ARHGAP10: variants seen among roughly 807,000 people sequenced by gnomAD.
ARHGAP10 encodes the protein rho GTPase-activating protein 10.
In ARHGAP10, 87 loss-of-function variants were observed where a neutral mutation model predicts 108.6. The observed-to-expected ratio is 0.80, with a 90% CI of 0.67 to 0.96. The LOEUF is 0.96. Ranked by LOEUF, ARHGAP10 falls within the 40% of genes least tolerant of loss-of-function variation. The pLI is 0.00. For missense variants in ARHGAP10, 939 were observed against 954.5 expected, an observed-to-expected ratio of 0.98 and a Z score of 0.21; for synonymous variants, 347 against 341.1, an observed-to-expected ratio of 1.02 and a Z score of -0.19.
At chr4:147,987,982 C>G (rs888924317) in intron 18 of ARHGAP10, among the ~76,000 whole-genome samples, 1 of 152,360 alleles carries the variant, frequency 6.6e-6, no homozygotes, top group South Asian at 2.1e-4. Context: ...CAAATCATCT[C>G]TCCAGCAGTG....
intron 1 of ARHGAP10, among the ~76,000 whole-genome samples, chr4:147,779,464 A>T (rs1730438839): frequency 6.6e-6 from 1 of 151,906 alleles, no homozygotes; most frequent in Admixed American, 6.5e-5. Context: ...TAGATGGGGA[A>T]GGGTCCTGAG....
intron 16 of ARHGAP10, among the ~76,000 whole-genome samples, chr4:147,960,121 G>A (rs1418925254): frequency 6.6e-6 from 1 of 152,068 alleles, no homozygotes; most frequent in Non-Finnish European, 1.5e-5. Context: ...TTTCTCTAGT[G>A]TTGATTAGTA....
intron 1 of ARHGAP10, among the ~76,000 whole-genome samples, chr4:147,740,805 A>G (rs1317153472): frequency 3.9e-5 from 6 of 152,198 alleles, no homozygotes; most frequent in African/African-American, 1.4e-4. Context: ...AGAAATATAA[A>G]AAGATAGTCT....
At chr4:147,868,015 G>C (rs550977087) in intron 7 of ARHGAP10, among the ~76,000 whole-genome samples, 68 of 151,586 alleles carry the variant, frequency 4.5e-4, no homozygotes, top group Non-Finnish European at 7.8e-4. Flanking sequence ...ACTTGTATTT[G>C]AGGATTGTTT....
At chr4:147,999,918 T>A (rs1052354512) in intron 18 of ARHGAP10, among the ~76,000 whole-genome samples, 2 of 148,764 alleles carry the variant, frequency 1.3e-5, no homozygotes, top group African/African-American at 5.2e-5. Context: ...ATAGCTCCTA[T>A]TAACAGTGTT....
At chr4:147,898,776 T>A (rs1736099597) in intron 10 of ARHGAP10, among the ~76,000 whole-genome samples, 2 of 141,850 alleles carry the variant, frequency 1.4e-5, no homozygotes, top group South Asian at 4.8e-4. Context: ...TTCTGACCCC[T>A]CCAAACTGTT....
chr4:147,926,625 A>T (rs755696397), intron 13 of ARHGAP10, among the ~76,000 whole-genome samples: 1 of 152,186 alleles, frequency 6.6e-6, no homozygotes, highest in Non-Finnish European at 1.5e-5. Flanking sequence ...TAAAGAGGTA[A>T]GGTTTTGAGT....
chr4:148,064,770 C>T lies in ARHGAP10; in HGVS notation c.2272+263C>T, dbSNP rs144146053. On this transcript the variant is annotated intron_variant, in intron 22 of 22. Transcript: ENST00000336498. ...GTGGGTCTTCATTCAGGTCATCTCT[C>T]TCCTGACGGGAAGAAGCTAGTGTCA... 1.4e-3 allele frequency among the ~76,000 whole-genome samples: 206 copies of T among 149,374 alleles called. 1 individual carries two copies. Among genetic ancestry groups the T allele is most frequent in the Non-Finnish European group, 2.5e-3 (169 of 66,788 alleles).
At chr4:147,996,282 C>T (rs17024251) in intron 18 of ARHGAP10, among the ~76,000 whole-genome samples, 3 of 151,914 alleles carry the variant, frequency 2.0e-5, no homozygotes, top group South Asian at 2.1e-4. Flanking sequence ...GAAAGGCAGT[C>T]GAAAACAAAA....
chr4:148,065,554 C>T (rs1441578400), intron 22 of ARHGAP10: 1 of 152,312 alleles, frequency 6.6e-6, no homozygotes, highest in East Asian at 1.9e-4. Context: ...ATTCCTCCAT[C>T]ACCATAACAT....
At chr4:148,061,242 G>A (rs766654689) in intron 20 of ARHGAP10, among the ~76,000 whole-genome samples, 2 of 152,096 alleles carry the variant, frequency 1.3e-5, no homozygotes. Flanking sequence ...GCAGAGGGAT[G>A]GCAGTCATTG....
intron 13 of ARHGAP10, among the ~76,000 whole-genome samples, chr4:147,933,894 C>A (rs1408719709): frequency 6.6e-6 from 1 of 152,104 alleles, no homozygotes; most frequent in African/African-American, 2.4e-5. Flanking sequence ...TGAGATTGTT[C>A]CCTGATTGCA....
intron 1 of ARHGAP10, among the ~76,000 whole-genome samples, chr4:147,797,518 T>G: frequency 6.6e-6 from 1 of 152,198 alleles, no homozygotes. Context: ...GTTCAAGTGA[T>G]TCTCCTGCCT....
chr4:147,845,540 G>A (rs1579109717), intron 3 of ARHGAP10, among the ~76,000 whole-genome samples: 1 of 152,208 alleles, frequency 6.6e-6, no homozygotes, highest in African/African-American at 2.4e-5. Context: ...TGGTGGTTAT[G>A]CTTGGTGGGC....
At chr4:147,786,444 G>C (rs973294886) in intron 1 of ARHGAP10, among the ~76,000 whole-genome samples, 3 of 152,142 alleles carry the variant, frequency 2.0e-5, no homozygotes, top group African/African-American at 4.8e-5. Context: ...GAGAAGTGGC[G>C]TGAGTCTCAA....
At chr4:147,952,761 G>A (rs1738652872) in intron 15 of ARHGAP10, among the ~76,000 whole-genome samples, 2 of 152,202 alleles carry the variant, frequency 1.3e-5, no homozygotes, top group Middle Eastern at 6.8e-3. Flanking sequence ...TTTTGATGAA[G>A]TCTAGTTCAT....
chr4:148,061,984 AG>A (rs1729641458), intron 20 of ARHGAP10, among the ~76,000 whole-genome samples: 4 of 152,156 alleles, frequency 2.6e-5, no homozygotes, highest in Admixed American at 2.0e-4. Context: ...AGCTGAGCCA[AG>A]GAAGGGCAAG....
chr4:148,042,776 T>A (rs1728690255), intron 19 of ARHGAP10, among the ~76,000 whole-genome samples: 1 of 152,182 alleles, frequency 6.6e-6, no homozygotes, highest in Non-Finnish European at 1.5e-5. Context: ...CCTTTGTACA[T>A]AAGGAGAAGC....
At chr4:147,903,263 T>A (rs778356533) in intron 10 of ARHGAP10, among the ~76,000 whole-genome samples, 8 of 152,194 alleles carry the variant, frequency 5.3e-5, no homozygotes, top group Non-Finnish European at 8.8e-5. Context: ...CCTTCTCAGC[T>A]TAGGGGACAA....
Sources: allele counts gnomAD v4.1 joint callset (sites outside exome capture counted in the v4.1 genomes callset), GRCh38; gene constraint gnomAD v4.1.1; transcripts MANE v1.5; gene names NCBI Gene and HGNC (gene_info 2026-07-23, HGNC 2026-07-21).